The following ATP8B1 variants were observed in gnomAD, a reference collection of about 807,000 sequenced individuals.
ATP8B1 encodes phospholipid-transporting ATPase IC.
Under a neutral mutation model 149.9 loss-of-function variants are expected in ATP8B1, and 80 were observed. The ratio of observed to expected loss-of-function variants is 0.53; its 90% CI spans 0.45 to 0.64. ATP8B1 has a LOEUF of 0.64. ATP8B1 is among the 30% of genes least tolerant of loss of function. ATP8B1 has a pLI of 0.00. For synonymous variants in ATP8B1, 536 were observed against 562.8 expected (o/e 0.95, Z 0.67); for missense variants, 1,247 against 1,552.6 (o/e 0.80, Z 3.31).
At chr18:57,739,571 A>G (rs924741401) in intron 1 of ATP8B1, among the ~76,000 whole-genome samples, 13 of 152,164 alleles carry the variant, frequency 8.5e-5, no homozygotes, top group African/African-American at 2.7e-4. Context: ...GAGCAAATCA[A>G]CTTTCAATAA....
chr18:57,732,776 T>G (rs1422114603), intron 1 of ATP8B1, among the ~76,000 whole-genome samples: 2 of 152,018 alleles, frequency 1.3e-5, no homozygotes, highest in Non-Finnish European at 2.9e-5. Context: ...TTAGCCAGGA[T>G]GGTCTCGAAC....
intron 24 of ATP8B1, among the ~76,000 whole-genome samples, chr18:57,653,785 C>G (rs984790149): frequency 1.3e-5 from 2 of 151,186 alleles, no homozygotes; most frequent in African/African-American, 4.9e-5. Context: ...ATCAGCCTCC[C>G]GAGTAGCTGG....
At chr18:57,763,380 G>A (rs973855101) in intron 1 of ATP8B1, among the ~76,000 whole-genome samples, 1 of 145,736 alleles carries the variant, frequency 6.9e-6, no homozygotes, top group African/African-American at 2.5e-5. Flanking sequence ...CAAGAAGAGC[G>A]AAACCCCATC....
intron 19 of ATP8B1, 49 bp downstream of exon 19, chr18:57,668,380 T>A: frequency 2.0e-6 from 3 of 1,488,074 alleles, no homozygotes; most frequent in Non-Finnish European, 2.8e-6. Context: ...AAACGGCAGC[T>A]ATAAATATTT....
intron 2 of ATP8B1, 54 bp downstream of exon 2, chr18:57,731,573 T>C (rs532784279): frequency 6.3e-7 from 1 of 1,582,540 alleles, no homozygotes. Flanking sequence ...CGTGTGGCCA[T>C]GACCCACATG....
At chr18:57,781,585 T>C (rs1156977493) in intron 1 of ATP8B1, among the ~76,000 whole-genome samples, 1 of 152,230 alleles carries the variant, frequency 6.6e-6, no homozygotes, top group Non-Finnish European at 1.5e-5. Context: ...AATTGATCAG[T>C]TATTGAATGC....
At chr18:57,711,356 T>C (rs1913678594) in intron 2 of ATP8B1, among the ~76,000 whole-genome samples, 1 of 152,138 alleles carries the variant, frequency 6.6e-6, no homozygotes, top group Non-Finnish European at 1.5e-5. Context: ...AGGAATTACC[T>C]CCAAATTACA....
At chr18:57,688,851 A>C (rs2122852743) in intron 12 of ATP8B1, among the ~76,000 whole-genome samples, 1 of 152,314 alleles carries the variant, frequency 6.6e-6, no homozygotes, top group Non-Finnish European at 1.5e-5. Flanking sequence ...AGCCTTTGCC[A>C]GACCCTGAAT....
intron 19 of ATP8B1, chr18:57,667,895 G>GC: frequency 3.4e-6 from 1 of 293,754 alleles, no homozygotes; most frequent in Admixed American, 4.5e-5. Flanking sequence ...CGATTTCAGC[G>GC]CAAGAGACAT....
At chr18:57,792,684 AC>A (rs1312455799) in intron 1 of ATP8B1, among the ~76,000 whole-genome samples, 3 of 152,220 alleles carry the variant, frequency 2.0e-5, no homozygotes, top group Non-Finnish European at 4.4e-5. Context: ...CAACAGTTGC[AC>A]AGCTATGTAA....
At chr18:57,722,967 C>T (rs1472541715) in intron 2 of ATP8B1, among the ~76,000 whole-genome samples, 1 of 150,328 alleles carries the variant, frequency 6.7e-6, no homozygotes, top group East Asian at 1.9e-4. Context: ...TAAATGTAAT[C>T]CAGCATATAA....
chr18:57,752,061 G>A (rs1163511167), intron 1 of ATP8B1, among the ~76,000 whole-genome samples: 1 of 151,796 alleles, frequency 6.6e-6, no homozygotes, highest in East Asian at 1.9e-4. Flanking sequence ...ACAAAAATTA[G>A]CTGGGAATTA....
At chr18:57,777,517 A>G (rs1162190188) in intron 1 of ATP8B1, among the ~76,000 whole-genome samples, 1 of 152,212 alleles carries the variant, frequency 6.6e-6, no homozygotes, top group Non-Finnish European at 1.5e-5. Context: ...TTTGGGTAGG[A>G]GAGTTGGGTA....
chr18:57,717,541 C>A (rs1431616245), intron 2 of ATP8B1, among the ~76,000 whole-genome samples: 1 of 34,672 alleles, frequency 2.9e-5, no homozygotes, highest in Non-Finnish European at 5.1e-5. Flanking sequence ...GAGCAAGACT[C>A]TGTCTCAAAA....
At chr18:57,711,698 A>T (rs1599142582) in intron 2 of ATP8B1, among the ~76,000 whole-genome samples, 2 of 152,178 alleles carry the variant, frequency 1.3e-5, no homozygotes, top group Middle Eastern at 3.4e-3. Context: ...GGCTCAAGTG[A>T]TCCTCCCACC....
At chr18:57,693,461 A>T (rs1196134462) in intron 11 of ATP8B1, among the ~76,000 whole-genome samples, 1 of 152,118 alleles carries the variant, frequency 6.6e-6, no homozygotes, top group Non-Finnish European at 1.5e-5. Context: ...TAATCCAAGC[A>T]CTTTGGGAGG....
At position 57,668,558 on chromosome 18, in the gene ATP8B1, A is replaced by T; in HGVS notation, c.2098-18T>A. ...CCCAGGAGCTAGAATGTATATTAAAAAAAAAAAAAAAAGGAATTAGCAAAC... is the reference window on the plus strand; with the variant it reads ...CCCAGGAGCTAGAATGTATATTAAATAAAAAAAAAAAAGGAATTAGCAAAC... On this transcript the variant is annotated intron_variant, in intron 18 of 27. Coordinates refer to ENST00000648908, the MANE Select transcript of ATP8B1 (RefSeq NM_001374385.1). The T allele has an allele frequency of 6.9e-7, 1 of 1,444,464 alleles. No homozygotes were observed. The highest frequency in any genetic ancestry group is 9.5e-7 in the Non-Finnish European group (1 of 1,058,040). 89.5% of individuals were successfully genotyped at this position (1,444,464 alleles called of 1,614,324 possible).
intron 1 of ATP8B1, among the ~76,000 whole-genome samples, chr18:57,800,896 A>C (rs2080566973): frequency 6.6e-6 from 1 of 152,232 alleles, no homozygotes; most frequent in Non-Finnish European, 1.5e-5. Flanking sequence ...AACATTCTAC[A>C]GCCAGATCTG....
At chr18:57,751,688 A>G (rs555677800) in intron 1 of ATP8B1, among the ~76,000 whole-genome samples, 4 of 152,254 alleles carry the variant, frequency 2.6e-5, no homozygotes, top group Non-Finnish European at 2.9e-5. Context: ...GAGAGGCTCT[A>G]TCTGCTCTGA....
Sources: allele counts gnomAD v4.1 joint callset (sites outside exome capture counted in the v4.1 genomes callset), GRCh38; gene constraint gnomAD v4.1.1; transcripts MANE v1.5; gene names NCBI Gene and HGNC (gene_info 2026-07-23, HGNC 2026-07-21).